Variants in WDR1 observed in about 807,000 individuals in gnomAD.
WDR1 encodes WD repeat domain 1, also known as WD repeat-containing protein 1.
WDR1 carries 21 observed loss-of-function variants against 71.9 expected under a neutral mutation model. That is an observed-to-expected ratio of 0.29 (90% CI 0.21 to 0.42). WDR1 has a LOEUF of 0.42. WDR1 is among the 10% of genes least tolerant of loss of function. The probability of loss-of-function intolerance (pLI) is 1.00; values close to 1 mark genes in which losing one functional copy is unlikely to be tolerated. For missense variants in WDR1, 696 were observed against 824.5 expected, an observed-to-expected ratio of 0.84 and a Z score of 1.91; for synonymous variants, 424 against 347.4, an observed-to-expected ratio of 1.22 and a Z score of -2.45.
intron 3 of WDR1, among the ~76,000 whole-genome samples, chr4:10,101,082 C>T (rs1016776346): frequency 2.6e-5 from 4 of 152,254 alleles, no homozygotes; most frequent in Non-Finnish European, 4.4e-5. Context: ...TGGCCCTCGC[C>T]AACTCCCAAG....
At chr4:10,103,655 C>T (rs1712840188) in intron 3 of WDR1, among the ~76,000 whole-genome samples, 1 of 152,216 alleles carries the variant, frequency 6.6e-6, no homozygotes, top group South Asian at 2.1e-4. Flanking sequence ...CATTCGAAGC[C>T]ATCCGGGGCC....
chr4:10,100,453 C>T (rs1329248403), intron 3 of WDR1, among the ~76,000 whole-genome samples: 2 of 152,076 alleles, frequency 1.3e-5, no homozygotes, highest in Non-Finnish European at 1.5e-5. Context: ...TGGAACGAGT[C>T]CACGAATTAA....
At chr4:10,085,933 G>A (rs1711523490) in intron 8 of WDR1, among the ~76,000 whole-genome samples, 1 of 152,228 alleles carries the variant, frequency 6.6e-6, no homozygotes, top group Admixed American at 6.5e-5. Flanking sequence ...GGAAGGGTGG[G>A]ATGCTGGTTG....
intron 5 of WDR1, chr4:10,093,196 G>C: frequency 7.9e-7 from 1 of 1,269,136 alleles, no homozygotes; most frequent in Non-Finnish European, 1.0e-6. Context: ...GAACCCTCTG[G>C]GAGCCCACCC....
At chr4:10,098,677 C>T (rs1281785667) in intron 4 of WDR1, among the ~76,000 whole-genome samples, 1 of 152,250 alleles carries the variant, frequency 6.6e-6, no homozygotes, top group Non-Finnish European at 1.5e-5. Flanking sequence ...AATAGAAGTG[C>T]TGTTGCTCTT....
At chr4:10,099,284 A>G (rs1235936672) in intron 3 of WDR1, 145 bp from the exon 4 acceptor site, 4 of 676,014 alleles carry the variant, frequency 5.9e-6, no homozygotes, top group Non-Finnish European at 1.0e-5. Flanking sequence ...TTCTAGAGGA[A>G]AAGGCCTAGT....
intron 14 of WDR1, chr4:10,075,685 G>A: frequency 5.0e-6 from 3 of 599,706 alleles, no homozygotes; most frequent in Middle Eastern, 4.0e-4. Flanking sequence ...CCGGGGCCGG[G>A]TACCTCTTTT....
chr4:10,101,503 A>C (rs1165350842), intron 3 of WDR1, among the ~76,000 whole-genome samples: 1 of 152,238 alleles, frequency 6.6e-6, no homozygotes, highest in East Asian at 1.9e-4. Context: ...TGTATTAGAA[A>C]CATAAAATAT....
chr4:10,114,794 C>T (rs943390179), intron 2 of WDR1, among the ~76,000 whole-genome samples: 1 of 152,198 alleles, frequency 6.6e-6, no homozygotes, highest in African/African-American at 2.4e-5. Flanking sequence ...AAGTTGTTAG[C>T]ACCTTCAAAG....
Position 10,106,801 on chromosome 4 carries a change from C to T in WDR1, c.139-2815G>A, listed in dbSNP as rs74729562. Among the ~76,000 whole-genome samples the T allele has an allele frequency of 4.9e-3, 745 of 152,274 alleles. 8 individuals are homozygous for T. The highest frequency in any genetic ancestry group is 0.017 in the African/African-American group (703 of 41,532). On this transcript the variant is annotated intron_variant, in intron 2 of 14. Transcript: ENST00000499869. The stretch of plus-strand genomic sequence containing the variant: ...ACTCCAAACTGCAGATAATGACTTA[C>T]ATCTGAGTCAGAGCAGCCTCCTCCC...
intron 12 of WDR1, 140 bp from the exon 13 acceptor site, chr4:10,078,066 G>A: frequency 9.1e-7 from 1 of 1,103,042 alleles, no homozygotes; most frequent in Non-Finnish European, 1.3e-6. Flanking sequence ...CCAGGAGCTG[G>A]GCATGGCTCT....
At chr4:10,097,395 G>A (rs1293453844) in intron 5 of WDR1, among the ~76,000 whole-genome samples, 1 of 152,214 alleles carries the variant, frequency 6.6e-6, no homozygotes, top group African/African-American at 2.4e-5. Flanking sequence ...CCTCTCTAAT[G>A]AGCACCTCCA....
At chr4:10,081,474 C>T (rs372122190) in intron 10 of WDR1, 30 bp from the exon 11 acceptor site, 36 of 1,604,968 alleles carry the variant, frequency 2.2e-5, no homozygotes, top group South Asian at 5.5e-5. Context: ...CACATTACTT[C>T]GACAATGCAG....
intron 2 of WDR1, chr4:10,115,725 C>G (rs1476890181): frequency 6.3e-6 from 1 of 159,988 alleles, no homozygotes; most frequent in African/African-American, 2.4e-5. Context: ...CAAGGTCACG[C>G]AGCGGCCGAC....
intron 1 of WDR1, 78 bp downstream of exon 1, chr4:10,116,573 C>G (rs1224349272): frequency 1.2e-4 from 135 of 1,085,748 alleles, no homozygotes; most frequent in Middle Eastern, 3.8e-4. Flanking sequence ...CCCCGCCACC[C>G]GCACGGCGCC....
intron 5 of WDR1, among the ~76,000 whole-genome samples, chr4:10,089,782 G>T (rs918577670): frequency 1.3e-5 from 2 of 152,204 alleles, no homozygotes; most frequent in Admixed American, 6.5e-5. Context: ...AGTAAATCAC[G>T]GACTTAATTT....
intron 14 of WDR1, 198 bp downstream of exon 14, chr4:10,077,106 C>T (rs1413079315): frequency 2.6e-6 from 2 of 764,288 alleles, no homozygotes; most frequent in Non-Finnish European, 4.1e-6. Context: ...CATGGGGCCC[C>T]CGTGGTCCCT....
chr4:10,101,172 G>A (rs1185787936), intron 3 of WDR1, among the ~76,000 whole-genome samples: 2 of 152,272 alleles, frequency 1.3e-5, no homozygotes, highest in Non-Finnish European at 2.9e-5. Context: ...GGAGGCCTGG[G>A]CCTGCCCCCG....
At chr4:10,099,264 T>C in intron 3 of WDR1, 125 bp from the exon 4 acceptor site, 1 of 755,678 alleles carries the variant, frequency 1.3e-6, no homozygotes, top group South Asian at 1.8e-5. Context: ...CATGTCTGGT[T>C]GCTTAGGCTT....
Sources: allele counts gnomAD v4.1 joint callset (sites outside exome capture counted in the v4.1 genomes callset), GRCh38; gene constraint gnomAD v4.1.1; transcripts MANE v1.5; gene names NCBI Gene and HGNC (gene_info 2026-07-23, HGNC 2026-07-21).